The following IPO7 variants were observed in gnomAD, a reference collection of about 807,000 sequenced individuals.
The protein encoded by IPO7 is importin 7, also known as importin-7.
Under a neutral mutation model 136.4 loss-of-function variants are expected in IPO7, and 13 were observed. The observed-to-expected ratio is 0.10, with a 90% CI of 0.06 to 0.15. The LOEUF (loss-of-function observed/expected upper bound fraction) is 0.15, where lower values mean the gene tolerates loss of function less well. Ranked by LOEUF, IPO7 falls within the 10% of genes least tolerant of loss-of-function variation. The probability of loss-of-function intolerance (pLI) is 1.00; values close to 1 mark genes in which losing one functional copy is unlikely to be tolerated. For synonymous variants in IPO7, 403 were observed against 404.4 expected, an observed-to-expected ratio of 1.00 and a Z score of 0.04; for missense variants, 857 against 1,240.6, an observed-to-expected ratio of 0.69 and a Z score of 4.65.
intron 24 of IPO7, among the ~76,000 whole-genome samples, chr11:9,443,854 T>C (rs948651243): frequency 2.0e-5 from 3 of 151,710 alleles, no homozygotes; most frequent in African/African-American, 7.3e-5. Flanking sequence ...GAGCCATTAT[T>C]GTGCCACTGT....
At chr11:9,434,269 A>G (rs1405271768) in intron 18 of IPO7, among the ~76,000 whole-genome samples, 1 of 152,138 alleles carries the variant, frequency 6.6e-6, no homozygotes, top group Non-Finnish European at 1.5e-5. Flanking sequence ...GTTCGGAACA[A>G]TTATCAGTAG....
In IPO7 at chr11:9,437,877, C is replaced by G; in HGVS notation, c.2392C>G (p.Leu798Val). The G allele has an allele frequency of 6.2e-7, 1 of 1,613,652 alleles. No individual in the cohort carries two copies. The highest frequency in any genetic ancestry group is 8.5e-7 in the Non-Finnish European group (1 of 1,179,642). Residue 798 changes from leucine (L) to valine (V), a missense_variant, in exon 21 of 25, where the codon CTC becomes GTC. Transcript: ENST00000379719. The part of the protein sequence containing the change: ...AALYYNPHLL[L>V]NTLENLRFPN... Reference sequence around the variant, plus strand: ...TTTGTATTATAATCCACACCTACTACTCAATACCTTAGAAAATCTTCGCTT... The same window carrying G: ...TTTGTATTATAATCCACACCTACTAGTCAATACCTTAGAAAATCTTCGCTT...
At chr11:9,399,257 G>A (rs1854759380) in intron 1 of IPO7, among the ~76,000 whole-genome samples, 1 of 151,822 alleles carries the variant, frequency 6.6e-6, no homozygotes, top group African/African-American at 2.4e-5. Context: ...TCTGTCTCCG[G>A]GTTCAAGCGA....
In IPO7 at chr11:9,384,716, C is replaced by G; in HGVS notation, c.-48C>G. The G allele has an allele frequency of 1.4e-6, 2 of 1,480,174 alleles. No homozygotes were observed. The highest frequency in any genetic ancestry group is 1.8e-6 in the Non-Finnish European group (2 of 1,084,166). The allele number at this position is 1,480,174 out of a possible 1,614,324, so 91.7% of individuals were successfully genotyped here. ...ATGTGCGCAGTGAGTGGCGCTATTC[C>G]TGGCCCAGTAGCACCCGAGCCCCGG... On this transcript the variant is annotated 5_prime_UTR_variant, in exon 1 of 25. Coordinates refer to ENST00000379719, the MANE Select transcript of IPO7 (RefSeq NM_006391.3).
At chr11:9,403,420 G>A in intron 2 of IPO7, 49 bp downstream of exon 2, 1 of 1,395,252 alleles carries the variant, frequency 7.2e-7, no homozygotes, top group Non-Finnish European at 1.0e-6. Context: ...TGTTTAAAAG[G>A]TTCATAATCG....
At chr11:9,438,682 T>C (rs1008434685) in intron 22 of IPO7, among the ~76,000 whole-genome samples, 2 of 152,094 alleles carry the variant, frequency 1.3e-5, no homozygotes, top group African/African-American at 4.8e-5. Context: ...AAATGTGGGA[T>C]CATACCCAAA....
At position 9,420,518 on chromosome 11, in the gene IPO7, A is replaced by C. The variant is rs146030407; in HGVS notation, c.821+13A>C. ...GACTTTTTGAAAGGTAATCTCATCC[A>C]TATATGGTGATTTAAATTAATTTAT... On this transcript the variant is annotated intron_variant, in intron 7 of 24. Coordinates refer to ENST00000379719, the MANE Select transcript of IPO7 (RefSeq NM_006391.3). The C allele has an allele frequency of 1.0e-5, 16 of 1,585,354 alleles. No homozygotes were observed. The highest frequency in any genetic ancestry group is 1.4e-5 in the Non-Finnish European group (16 of 1,154,620).
At chr11:9,399,412 C>T (rs905197762) in intron 1 of IPO7, among the ~76,000 whole-genome samples, 6 of 152,072 alleles carry the variant, frequency 3.9e-5, no homozygotes, top group Admixed American at 2.0e-4. Context: ...CCACCCGCCT[C>T]GGCCTCCCAA....
At chr11:9,438,657 G>A (rs1276998439) in intron 22 of IPO7, among the ~76,000 whole-genome samples, 1 of 151,846 alleles carries the variant, frequency 6.6e-6, no homozygotes, top group African/African-American at 2.4e-5. Context: ...TATATCACTA[G>A]CCCTTCTCCC....
At position 9,409,392 on chromosome 11, in the gene IPO7, A is replaced by T. The variant is rs192439517; in HGVS notation, c.321-536A>T. 4.1e-3 allele frequency among the ~76,000 whole-genome samples: 627 copies of T among 152,278 alleles called. 4 individuals are homozygous for T. The highest frequency in any genetic ancestry group is 0.014 in the South Asian group (66 of 4,822). On this transcript the variant is annotated intron_variant, in intron 3 of 24. Transcript: ENST00000379719. ...ACAAAGTACTGTGATTACAGGTGTG[A>T]GCCACCATGCCTGGCCTGTAATTTG... is the stretch of plus-strand genomic sequence containing the variant.
chr11:9,428,859 T>G, intron 13 of IPO7, 172 bp from the exon 14 acceptor site: 1 of 794,616 alleles, frequency 1.3e-6, no homozygotes, highest in African/African-American at 1.7e-5. Flanking sequence ...CACACAAACA[T>G]CATGCGGCCA....
chr11:9,447,203 A>G lies in IPO7; in HGVS notation c.*2009A>G, dbSNP rs536569193. On this transcript the variant is annotated 3_prime_UTR_variant, in exon 25 of 25. Coordinates refer to ENST00000379719, the MANE Select transcript of IPO7 (RefSeq NM_006391.3). Reference sequence around the variant, plus strand: ...TAATTCTAATTTTCACATTATTGTTAATGGAAAATCATATCTAATAAAGGT... The same window carrying G: ...TAATTCTAATTTTCACATTATTGTTGATGGAAAATCATATCTAATAAAGGT... 6.6e-6 allele frequency: 1 copy of G among 152,168 alleles called. No homozygotes were observed. The highest frequency in any genetic ancestry group is 2.4e-5 in the African/African-American group (1 of 41,444). The allele number at this position is 152,168 out of a possible 1,614,324, so 9.4% of individuals were successfully genotyped here.
intron 6 of IPO7, among the ~76,000 whole-genome samples, chr11:9,418,740 C>A (rs531819040): frequency 6.6e-6 from 1 of 152,204 alleles, no homozygotes; most frequent in African/African-American, 2.4e-5. Flanking sequence ...ATAAACAGTT[C>A]AGTGAGTTAG....
intron 1 of IPO7, among the ~76,000 whole-genome samples, chr11:9,400,044 G>C (rs1009325292): frequency 6.6e-6 from 1 of 152,160 alleles, no homozygotes; most frequent in African/African-American, 2.4e-5. Flanking sequence ...AAATGGTGTA[G>C]TATTTGCTTA....
rs769438526 is a variant in IPO7 at position 9,448,060 on chromosome 11, AAC to A, written c.*2870_*2871del. 1 of 152,232 alleles carries A rather than the reference AAC, an allele frequency of 6.6e-6. No individual in the cohort carries two copies. The highest frequency in any genetic ancestry group is 1.5e-5 in the Non-Finnish European group (1 of 68,036). 9.4% of individuals were successfully genotyped at this position (152,232 alleles called of 1,614,324 possible). ...TAAACCATGTCTTTGGCAAAGATCTAACACAATGTCTTAAGTATAATAGGTAG... is the reference window on the plus strand; with the variant it reads ...TAAACCATGTCTTTGGCAAAGATCTAACAATGTCTTAAGTATAATAGGTAG... On this transcript the variant is annotated 3_prime_UTR_variant, in exon 25 of 25. Transcript: ENST00000379719.
At chr11:9,388,611 T>A (rs189023679) in intron 1 of IPO7, among the ~76,000 whole-genome samples, 16 of 152,126 alleles carry the variant, frequency 1.1e-4, no homozygotes, top group Admixed American at 9.2e-4. Flanking sequence ...CCCAGGTAGC[T>A]GAGACTACGG....
At chr11:9,400,454 C>A (rs1039966589) in intron 1 of IPO7, among the ~76,000 whole-genome samples, 3 of 151,756 alleles carry the variant, frequency 2.0e-5, no homozygotes, top group African/African-American at 7.3e-5. Flanking sequence ...GACCTAATCT[C>A]GCTGTCGCCC....
intron 2 of IPO7, among the ~76,000 whole-genome samples, chr11:9,403,848 T>G (rs1368958565): frequency 6.6e-6 from 1 of 152,196 alleles, no homozygotes; most frequent in Non-Finnish European, 1.5e-5. Context: ...TAAAAAATAA[T>G]GTAGTGTACA....
At chr11:9,425,016 C>A in intron 11 of IPO7, 26 bp downstream of exon 11, 1 of 1,448,156 alleles carries the variant, frequency 6.9e-7, no homozygotes, top group Non-Finnish European at 9.6e-7. Flanking sequence ...GTTTAGATAA[C>A]TTTTCTGTAT....
Sources: allele counts gnomAD v4.1 joint callset (sites outside exome capture counted in the v4.1 genomes callset), GRCh38; gene constraint gnomAD v4.1.1; transcripts MANE v1.5; gene names NCBI Gene and HGNC (gene_info 2026-07-23, HGNC 2026-07-21).